CAPZA2: variants seen among roughly 807,000 people sequenced by gnomAD.
CAPZA2 encodes F-actin-capping protein subunit alpha-2.
CAPZA2 carries 13 observed loss-of-function variants against 44.0 expected under a neutral mutation model. The observed-to-expected ratio is 0.30, with a 90% CI of 0.19 to 0.47. The LOEUF is 0.47. CAPZA2 is among the 20% of genes least tolerant of loss of function. CAPZA2 has a pLI of 1.00. For synonymous variants in CAPZA2, 94 were observed against 108.2 expected, an observed-to-expected ratio of 0.87 and a Z score of 0.81; for missense variants, 244 against 338.6, an observed-to-expected ratio of 0.72 and a Z score of 2.19.
intron 1 of CAPZA2, among the ~76,000 whole-genome samples, chr7:116,869,894 G>A (rs542439154): frequency 2.0e-5 from 3 of 152,102 alleles, no homozygotes; most frequent in Non-Finnish European, 4.4e-5. Flanking sequence ...TTTTGAGACG[G>A]AGTGTTACTC....
chr7:116,904,497 T>C lies in CAPZA2; in HGVS notation c.426+114T>C, dbSNP rs190548158. ...GACATTGTATAATTTGTCATTTTTT[T>C]CCTTAAATATTTCTAAGAATGTTTA... is the stretch of plus-strand genomic sequence containing the variant. On this transcript the variant is annotated intron_variant, in intron 5 of 9. Transcript: ENST00000361183. The C allele has an allele frequency of 6.7e-4, 440 of 659,412 alleles. 2 individuals carry two copies. The East Asian group carries it at 0.01, about 15-fold the overall frequency. The allele number at this position is 659,412 out of a possible 1,614,324, so 40.8% of individuals were successfully genotyped here. A position where few individuals can be genotyped will look rare whatever the true frequency, so the allele number is the denominator to read the frequency against.
chr7:116,889,575 A>C (rs1451253235), intron 2 of CAPZA2, among the ~76,000 whole-genome samples: 1 of 152,086 alleles, frequency 6.6e-6, no homozygotes, highest in African/African-American at 2.4e-5. Flanking sequence ...CCAAAAAAAA[A>C]AAAAAAGATA....
At chr7:116,877,008 C>A (rs918348695) in intron 1 of CAPZA2, among the ~76,000 whole-genome samples, 111 of 152,268 alleles carry the variant, frequency 7.3e-4, no homozygotes, top group African/African-American at 2.6e-3. Context: ...AAGCTTGCTA[C>A]TCAGAGATAA....
intron 2 of CAPZA2, 107 bp from the exon 3 acceptor site, chr7:116,892,887 C>A: frequency 2.3e-6 from 1 of 439,904 alleles, no homozygotes; most frequent in Non-Finnish European, 4.0e-6. Flanking sequence ...TTTGATCTTG[C>A]TTGTGTTTGG....
chr7:116,862,962 C>A (rs1206998024), intron 1 of CAPZA2, among the ~76,000 whole-genome samples: 9 of 152,006 alleles, frequency 5.9e-5, no homozygotes, highest in Non-Finnish European at 1.2e-4. Context: ...CTGCCCAGGA[C>A]CCTCTCCTGC....
chr7:116,871,526 C>A (rs985492889), intron 1 of CAPZA2, among the ~76,000 whole-genome samples: 1 of 152,174 alleles, frequency 6.6e-6, no homozygotes, highest in Non-Finnish European at 1.5e-5. Context: ...TAGTGGCCTT[C>A]AAGAGAATAA....
intron 3 of CAPZA2, among the ~76,000 whole-genome samples, chr7:116,897,012 C>A (rs1796936396): frequency 6.6e-6 from 1 of 152,098 alleles, no homozygotes; most frequent in African/African-American, 2.4e-5. Context: ...TATTTTGAGC[C>A]TTTAAGATAA....
chr7:116,884,930 T>C (rs1171354526), intron 1 of CAPZA2, among the ~76,000 whole-genome samples: 1 of 152,202 alleles, frequency 6.6e-6, no homozygotes, highest in Non-Finnish European at 1.5e-5. Context: ...CTTTTTATTT[T>C]AGCCATACTA....
At chr7:116,904,880 C>G (rs530622326) in intron 5 of CAPZA2, 1 of 151,490 alleles carries the variant, frequency 6.6e-6, no homozygotes, top group Non-Finnish European at 1.5e-5. Context: ...CCTGTAATCC[C>G]AGCACTTTGG....
chr7:116,911,953 G>A, intron 7 of CAPZA2, 116 bp from the exon 8 acceptor site: 1 of 1,523,696 alleles, frequency 6.6e-7, no homozygotes, highest in Non-Finnish European at 8.8e-7. Flanking sequence ...GGGCTCAGCA[G>A]AGAAGTCTAG....
At chr7:116,895,802 A>G (rs940685312) in intron 3 of CAPZA2, among the ~76,000 whole-genome samples, 1 of 152,032 alleles carries the variant, frequency 6.6e-6, no homozygotes, top group Admixed American at 6.6e-5. Context: ...TCACTGATTG[A>G]CTTGACTTTA....
intron 1 of CAPZA2, among the ~76,000 whole-genome samples, chr7:116,885,249 G>C (rs925115683): frequency 1.4e-5 from 2 of 146,654 alleles, no homozygotes; most frequent in Non-Finnish European, 3.0e-5. Flanking sequence ...CAGCTCACTA[G>C]TTTTTTTTTT....
At chr7:116,883,149 G>A (rs1446056722) in intron 1 of CAPZA2, among the ~76,000 whole-genome samples, 1 of 152,112 alleles carries the variant, frequency 6.6e-6, no homozygotes, top group Non-Finnish European at 1.5e-5. Flanking sequence ...TTTTTAAAAA[G>A]CTATAATTCC....
chr7:116,894,827 A>G (rs1245655305), intron 3 of CAPZA2, among the ~76,000 whole-genome samples: 1 of 152,146 alleles, frequency 6.6e-6, no homozygotes. Context: ...CATGTGTCAG[A>G]ATTTCCTTCC....
intron 1 of CAPZA2, among the ~76,000 whole-genome samples, chr7:116,863,122 T>C (rs977667436): frequency 6.6e-6 from 1 of 151,938 alleles, no homozygotes; most frequent in Non-Finnish European, 1.5e-5. Context: ...AAGGGAAAAA[T>C]CGCTTAGGAA....
chr7:116,900,404 CAA>C (rs921388468), intron 4 of CAPZA2, among the ~76,000 whole-genome samples: 7 of 127,574 alleles, frequency 5.5e-5, no homozygotes, highest in Admixed American at 7.8e-5. Flanking sequence ...AACTCCCAAC[CAA>C]AAAAAAAAAA....
rs765951957 is a variant in CAPZA2, at chr7:116,898,853, A to C, written c.219+18A>C. 6.9e-7 allele frequency: 1 copy of C among 1,448,278 alleles called. No homozygotes were observed. Among genetic ancestry groups the C allele is most frequent in the South Asian group, 1.2e-5 (1 of 84,702 alleles). The allele number at this position is 1,448,278 out of a possible 1,614,324, so 89.7% of individuals were successfully genotyped here. On this transcript the variant is annotated intron_variant, in intron 4 of 9. Coordinates refer to ENST00000361183, the MANE Select transcript of CAPZA2 (RefSeq NM_006136.3). ...AAGATCAGGTATGTTTCATATAAAC[A>C]CTATTCTTTGTTTTGTTTATAACCG...
At chr7:116,881,528 A>G (rs1362152796) in intron 1 of CAPZA2, among the ~76,000 whole-genome samples, 1 of 152,094 alleles carries the variant, frequency 6.6e-6, no homozygotes, top group Non-Finnish European at 1.5e-5. Context: ...TCACGAGGTC[A>G]GGAGATCAAG....
chr7:116,914,751 C>T (rs542736224), intron 8 of CAPZA2, among the ~76,000 whole-genome samples: 2 of 152,226 alleles, frequency 1.3e-5, no homozygotes, highest in Non-Finnish European at 2.9e-5. Flanking sequence ...GCCACCACAC[C>T]CAGCCCCTGA....
Sources: allele counts gnomAD v4.1 joint callset (sites outside exome capture counted in the v4.1 genomes callset), GRCh38; gene constraint gnomAD v4.1.1; transcripts MANE v1.5; gene names NCBI Gene and HGNC (gene_info 2026-07-23, HGNC 2026-07-21).